The following LRRC8B variants were observed in gnomAD, a reference collection of about 807,000 sequenced individuals.
The protein encoded by LRRC8B is leucine rich repeat containing 8 VRAC subunit B.
LRRC8B carries 23 observed loss-of-function variants against 58.8 expected under a neutral mutation model. That is an observed-to-expected ratio of 0.39 (90% CI 0.28 to 0.55). LRRC8B has a LOEUF of 0.55. Ranked by LOEUF, LRRC8B falls within the 20% of genes least tolerant of loss-of-function variation. The pLI is 0.62. For synonymous variants in LRRC8B, 359 were observed against 374.1 expected, an observed-to-expected ratio of 0.96 and a Z score of 0.47; for missense variants, 694 against 936.0, an observed-to-expected ratio of 0.74 and a Z score of 3.37.
intron 5 of LRRC8B, among the ~76,000 whole-genome samples, chr1:89,589,721 T>TAAA (rs1479152514): frequency 6.6e-6 from 1 of 151,642 alleles, no homozygotes; most frequent in Non-Finnish European, 1.5e-5. Context: ...ATGATTGGAC[T>TAAA]TTAGGGTTTG....
At chr1:89,540,522 G>C (rs975392677) in intron 1 of LRRC8B, among the ~76,000 whole-genome samples, 1 of 152,192 alleles carries the variant, frequency 6.6e-6, no homozygotes, top group Non-Finnish European at 1.5e-5. Context: ...AGTCATGTCA[G>C]CTTTTCCCCT....
chr1:89,535,489 G>A (rs988533903), intron 1 of LRRC8B, among the ~76,000 whole-genome samples: 31 of 152,182 alleles, frequency 2.0e-4, no homozygotes, highest in Admixed American at 1.9e-3. Context: ...GCACTCCAGC[G>A]AAGGTGACAA....
chr1:89,542,909 G>T (rs1213923582), intron 1 of LRRC8B, among the ~76,000 whole-genome samples: 3 of 152,136 alleles, frequency 2.0e-5, no homozygotes, highest in South Asian at 2.1e-4. Flanking sequence ...GTACTGGGGG[G>T]ACCTATTAAG....
At chr1:89,571,007 G>A (rs1653435885) in intron 3 of LRRC8B, among the ~76,000 whole-genome samples, 1 of 152,216 alleles carries the variant, frequency 6.6e-6, no homozygotes, top group East Asian at 1.9e-4. Context: ...TGTTGTTGAA[G>A]ATCAGATAGT....
intron 4 of LRRC8B, 91 bp from the exon 5 acceptor site, chr1:89,582,534 T>C (rs1654309400): frequency 1.4e-6 from 1 of 736,408 alleles, no homozygotes; most frequent in African/African-American, 1.8e-5. Flanking sequence ...AAATCCTACT[T>C]GGGAAGGAGG....
At chr1:89,539,063 G>A (rs1489977150) in intron 1 of LRRC8B, among the ~76,000 whole-genome samples, 3 of 152,140 alleles carry the variant, frequency 2.0e-5, no homozygotes, top group Non-Finnish European at 2.9e-5. Flanking sequence ...AATCTCAGAA[G>A]CCTAGCAAGA....
chr1:89,581,047 T>C (rs1654186178), intron 4 of LRRC8B, among the ~76,000 whole-genome samples: 1 of 152,046 alleles, frequency 6.6e-6, no homozygotes, highest in Non-Finnish European at 1.5e-5. Flanking sequence ...ATCTCAGCTC[T>C]TTGAGAGGCC....
intron 3 of LRRC8B, among the ~76,000 whole-genome samples, chr1:89,575,599 A>G (rs1653782265): frequency 6.6e-6 from 1 of 152,232 alleles, no homozygotes; most frequent in African/African-American, 2.4e-5. Flanking sequence ...AAACTCTTCC[A>G]TCTCTATTGT....
chr1:89,536,157 A>G (rs1259277335), intron 1 of LRRC8B, among the ~76,000 whole-genome samples: 2 of 152,242 alleles, frequency 1.3e-5, no homozygotes, highest in African/African-American at 4.8e-5. Context: ...CAATGCTAAC[A>G]TATTAAGTGT....
At chr1:89,587,243 G>A (rs1319848663) in intron 5 of LRRC8B, among the ~76,000 whole-genome samples, 1 of 152,144 alleles carries the variant, frequency 6.6e-6, no homozygotes. Flanking sequence ...TTCATGTGGG[G>A]ATTTAACTAA....
chr1:89,535,176 G>A (rs1650439196), intron 1 of LRRC8B, among the ~76,000 whole-genome samples: 1 of 152,142 alleles, frequency 6.6e-6, no homozygotes, highest in Non-Finnish European at 1.5e-5. Flanking sequence ...AATTGAGTTA[G>A]AAGTAGATTC....
intron 3 of LRRC8B, among the ~76,000 whole-genome samples, chr1:89,577,788 T>G (rs557662252): frequency 6.6e-6 from 1 of 151,934 alleles, no homozygotes; most frequent in South Asian, 2.1e-4. Context: ...ACGGAAGACA[T>G]TACAGAAAAC....
At chr1:89,540,385 C>T (rs184434311) in intron 1 of LRRC8B, among the ~76,000 whole-genome samples, 10 of 152,230 alleles carry the variant, frequency 6.6e-5, no homozygotes, top group African/African-American at 1.4e-4. Flanking sequence ...TTTTACTTGA[C>T]GAGCAAAAGA....
At chr1:89,534,951 C>A (rs377579259) in intron 1 of LRRC8B, among the ~76,000 whole-genome samples, 17 of 152,142 alleles carry the variant, frequency 1.1e-4, no homozygotes, top group African/African-American at 3.9e-4. Flanking sequence ...TATCTGTAAT[C>A]CTATGGGTAT....
chr1:89,551,018 C>T (rs745941428), intron 1 of LRRC8B, among the ~76,000 whole-genome samples: 26 of 152,158 alleles, frequency 1.7e-4, no homozygotes, highest in Non-Finnish European at 3.1e-4. Context: ...AATCTCCAAC[C>T]GTAAATGTCC....
At chr1:89,548,692 G>T (rs966727904) in intron 1 of LRRC8B, among the ~76,000 whole-genome samples, 3 of 152,100 alleles carry the variant, frequency 2.0e-5, no homozygotes, top group African/African-American at 7.2e-5. Flanking sequence ...TTGAGATCAG[G>T]GAAGCCAGAA....
intron 1 of LRRC8B, among the ~76,000 whole-genome samples, chr1:89,560,911 A>T (rs1477510705): frequency 6.6e-6 from 1 of 152,140 alleles, no homozygotes; most frequent in Non-Finnish European, 1.5e-5. Context: ...CAGTAATGGG[A>T]TGGCTGGGTC....
chr1:89,572,110 G>A (rs550239703), intron 3 of LRRC8B, among the ~76,000 whole-genome samples: 1 of 152,178 alleles, frequency 6.6e-6, no homozygotes, highest in African/African-American at 2.4e-5. Flanking sequence ...AGCTTCATTT[G>A]GCCAGATATG....
chr1:89,582,595 A>T, intron 4 of LRRC8B, 30 bp from the exon 5 acceptor site: 1 of 1,265,592 alleles, frequency 7.9e-7, no homozygotes, highest in Non-Finnish European at 1.1e-6. Flanking sequence ...TACTTGCTTC[A>T]GTAGTGTTTC....
Sources: allele counts gnomAD v4.1 joint callset (sites outside exome capture counted in the v4.1 genomes callset), GRCh38; gene constraint gnomAD v4.1.1; transcripts MANE v1.5; gene names NCBI Gene and HGNC (gene_info 2026-07-23, HGNC 2026-07-21).